ZYX: variants seen among roughly 807,000 people sequenced by gnomAD.
The protein encoded by ZYX is zyxin-2.
Under a neutral mutation model 58.1 loss-of-function variants are expected in ZYX, and 37 were observed. The observed-to-expected ratio is 0.64, with a 90% CI of 0.49 to 0.84. The LOEUF is 0.84. ZYX is among the 40% of genes least tolerant of loss of function. The pLI, the probability that ZYX is intolerant of heterozygous loss-of-function variation, is 0.00. For synonymous variants in ZYX, 324 were observed against 321.1 expected (o/e 1.01, Z -0.10); for missense variants, 762 against 761.6 (o/e 1.00, Z -0.01).
rs41277425 is a variant in ZYX at position 143,388,875 on chromosome 7, C to T, written c.1423C>T (p.Arg475Cys). Residue 475 changes from arginine (R) to cysteine (C), a missense_variant, in exon 8 of 10, where the codon CGC becomes TGC. By Grantham distance (180) the Arg-to-Cys change is radical (BLOSUM62 -3). Coordinates refer to ENST00000322764, the MANE Select transcript of ZYX (RefSeq NM_003461.5). The surrounding 1 kb of genome is among the most constrained non-coding windows in gnomAD (Gnocchi z 7.5). ...PHCFTCVVCA[R>C]PLEGTSFIVD... ...CTGCTTCACCTGTGTGGTCTGCGCCCGCCCCCTGGAGGGCACCTCCTTCAT... is the reference window on the plus strand; with the variant it reads ...CTGCTTCACCTGTGTGGTCTGCGCCTGCCCCCTGGAGGGCACCTCCTTCAT... 0.011 allele frequency: 18,172 copies of T among 1,613,852 alleles called. 144 individuals are homozygous for T. Among genetic ancestry groups the T allele is most frequent in the Non-Finnish European group, 0.012 (14,039 of 1,179,972 alleles).
chr7:143,384,395 A>G lies in ZYX; in HGVS notation c.1023+1073A>G, dbSNP rs1406668634. 1.0e-5 allele frequency: 4 copies of G among 396,116 alleles called. No homozygotes were observed. The highest frequency in any genetic ancestry group is 1.4e-4 in the East Asian group (2 of 13,810). 24.5% of individuals were successfully genotyped at this position (396,116 alleles called of 1,614,324 possible). A position where few individuals can be genotyped will look rare whatever the true frequency, so the allele number is the denominator to read the frequency against. ...GTTCCTGTAGGAAAATGATAGAGCT[A>G]TACTTGGAGAGGCAAGCGGGGCTGG... On this transcript the variant is annotated intron_variant, in intron 5 of 9. Coordinates refer to ENST00000322764, the MANE Select transcript of ZYX (RefSeq NM_003461.5). The surrounding 1 kb of genome is among the most constrained non-coding windows in gnomAD (Gnocchi z 4.9).
rs370496656 is a variant in ZYX at position 143,385,361 on chromosome 7, CGTGT to C, written c.1023+2050_1023+2053del. On this transcript the variant is annotated intron_variant, in intron 5 of 9. Transcript: ENST00000322764. ...TACACATATGTGAATATATGAGTGG[CGTGT>C]GTGTGTGTGTTAGTGTGTGGGTGTG... 6.7e-5 allele frequency among the ~76,000 whole-genome samples: 10 copies of C among 149,414 alleles called. No homozygotes were observed. In the East Asian group the frequency reaches 1.6e-3, roughly 24 times the overall value.
chr7:143,381,886 C>T, intron 2 of ZYX, 107 bp downstream of exon 2: 1 of 1,115,170 alleles, frequency 9.0e-7, no homozygotes, highest in South Asian at 1.6e-5. Flanking sequence ...GGGGGCTGGG[C>T]GCAGCCACCC....
intron 2 of ZYX, 148 bp downstream of exon 2, chr7:143,381,927 G>A: frequency 1.2e-6 from 1 of 841,598 alleles, no homozygotes; most frequent in Non-Finnish European, 1.8e-6. Context: ...ACCTCATCGT[G>A]GAGCTCGTGG....
rs1354942994 is a variant in ZYX at position 143,382,860 on chromosome 7, C to T, written c.561C>T (p.Thr187=). The change falls in exon 5 of 10, where the codon ACC becomes ACT. Residue 187 remains threonine (T), a synonymous_variant. Transcript: ENST00000322764. ...VATPFSSKSS[T]KPAAGGTAPL... is the part of the protein sequence containing the mutation. ...CTCCATTCAGTTCCAAGTCCAGTAC[C>T]AAGCCTGCAGCCGGGGGCACAGCAC... The T allele has an allele frequency of 5.0e-6, 8 of 1,611,680 alleles. No individual in the cohort carries two copies. In the South Asian group the frequency reaches 7.7e-5, roughly 16 times the overall value.
Position 143,388,961 on chromosome 7 carries a change from C to T in ZYX, c.1493+16C>T, listed in dbSNP as rs778307779. The T allele has an allele frequency of 6.3e-7, 1 of 1,598,784 alleles. No individual in the cohort carries two copies. Among genetic ancestry groups the T allele is most frequent in the Non-Finnish European group, 8.5e-7 (1 of 1,171,722 alleles). ...ACTACCACAAGTGAGGACCTGCCAC[C>T]TGCCTTCTGGGTTCCCGGCGTGCTT... On this transcript the variant is annotated intron_variant, in intron 8 of 9. Coordinates refer to ENST00000322764, the MANE Select transcript of ZYX (RefSeq NM_003461.5). The surrounding 1 kb of genome is among the most constrained non-coding windows in gnomAD (Gnocchi z 7.5).
In ZYX at chr7:143,387,973, T is replaced by G; in HGVS notation, c.1024-246T>G. ...GCCTGTCTGTGACTGCTCAGGGGGT[T>G]TGGGCAGAGTGGGTGGAAATGTCTT... On this transcript the variant is annotated intron_variant, in intron 5 of 9. Transcript: ENST00000322764. The surrounding 1 kb of genome is among the most constrained non-coding windows in gnomAD (Gnocchi z 5.8). 1 of 568,510 alleles carries G rather than the reference T, an allele frequency of 1.8e-6. No homozygotes were observed. The highest frequency in any genetic ancestry group is 3.3e-6 in the Non-Finnish European group (1 of 303,850). The allele number at this position is 568,510 out of a possible 1,614,324, so 35.2% of individuals were successfully genotyped here. A position where few individuals can be genotyped will look rare whatever the true frequency, so the allele number is the denominator to read the frequency against.
At chr7:143,385,217 G>T (rs996174372) in intron 5 of ZYX, among the ~76,000 whole-genome samples, 1 of 152,158 alleles carries the variant, frequency 6.6e-6, no homozygotes, top group African/African-American at 2.4e-5. Context: ...CCTGTGGTGG[G>T]AACACAATGT....
At chr7:143,386,614 G>A (rs1471896954) in intron 5 of ZYX, among the ~76,000 whole-genome samples, 2 of 152,104 alleles carry the variant, frequency 1.3e-5, no homozygotes, top group Non-Finnish European at 2.9e-5. Context: ...GGATAGCTGC[G>A]GGTGGCTGCA....
Position 143,388,542 on chromosome 7 carries a change from G to C in ZYX, c.1198G>C (p.Ala400Pro). Residue 400 changes from alanine to proline, a missense_variant, in exon 7 of 10, where the codon GCT (alanine) becomes CCT (proline). Ala to Pro is a conservative substitution (Grantham distance 27, BLOSUM62 -1). Coordinates refer to ENST00000322764, the MANE Select transcript of ZYX (RefSeq NM_003461.5). This position sits in a 1 kb window ranked among gnomAD's most constrained non-coding sequence, Gnocchi z 7.5. ...PLARAQPAVRALGQLFHIACF... is the reference protein window; with the variant it reads ...PLARAQPAVRPLGQLFHIACF... ...GGCCCGGGCGCAGCCAGCCGTCCGC[G>C]CTCTAGGGCAGCTGTTCCACATCGC... 6.2e-7 allele frequency: 1 copy of C among 1,610,966 alleles called. No homozygotes were observed. Among genetic ancestry groups the C allele is most frequent in the Non-Finnish European group, 8.5e-7 (1 of 1,179,948 alleles).
chr7:143,384,527 G>A lies in ZYX; in HGVS notation c.1023+1205G>A, dbSNP rs76491646. Among the ~76,000 whole-genome samples, 1 of 152,096 alleles carries A rather than the reference G, an allele frequency of 6.6e-6. No individual in the cohort carries two copies. The highest frequency in any genetic ancestry group is 2.4e-5 in the African/African-American group (1 of 41,394). ...TGGGTCAGGAGGGCTGGTGAAAGCA[G>A]TGTTTTTGGAAGCTTTCTGGAAAGT... On this transcript the variant is annotated intron_variant, in intron 5 of 9. Coordinates refer to ENST00000322764, the MANE Select transcript of ZYX (RefSeq NM_003461.5). The surrounding 1 kb of genome is among the most constrained non-coding windows in gnomAD (Gnocchi z 4.9).
In ZYX at chr7:143,381,773, C is replaced by A. The variant is rs1284187523; in HGVS notation, c.202C>A (p.Pro68Thr). ...GGTGGGCGAGATTCCCCCGCCGCCC[C>A]CGGAAGGTATGCGGCGGGGCTTGGG... The part of the protein sequence containing the change: ...GRVGEIPPPP[P>T]EDFPLPPPPL... The change falls in exon 2 of 10, where the codon CCG (proline) becomes ACG (threonine). Residue 68 changes from proline to threonine, a missense_variant. Physicochemically the swap from Pro to Thr is conservative, Grantham distance 38. Transcript: ENST00000322764. The A allele has an allele frequency of 6.4e-7, 1 of 1,573,904 alleles. No homozygotes were observed. The highest frequency in any genetic ancestry group is 2.4e-5 in the East Asian group (1 of 41,848).
At position 143,384,354 on chromosome 7, in the gene ZYX, G is replaced by A. The variant is rs1277742309; in HGVS notation, c.1023+1032G>A. The A allele has an allele frequency of 4.5e-6, 2 of 442,056 alleles. No individual in the cohort carries two copies. Among genetic ancestry groups the A allele is most frequent in the Non-Finnish European group, 9.4e-6 (2 of 212,644 alleles). The allele number at this position is 442,056 out of a possible 1,614,324, so 27.4% of individuals were successfully genotyped here. A position where few individuals can be genotyped will look rare whatever the true frequency, so the allele number is the denominator to read the frequency against. On this transcript the variant is annotated intron_variant, in intron 5 of 9. Transcript: ENST00000322764. This position sits in a 1 kb window ranked among gnomAD's most constrained non-coding sequence, Gnocchi z 4.9. ...TCCAGAGAGGAGAGGGATGTTTGGA[G>A]AACAGAAAGTGGAAGGTTCCTGTAG...
At position 143,382,311 on chromosome 7, in the gene ZYX, G is replaced by A. The variant is rs1319200210; in HGVS notation, c.272G>A (p.Gly91Asp). Residue 91 changes from glycine to aspartate, a missense_variant, in exon 3 of 10, where the codon GGT becomes GAT. Gly to Asp is a moderately conservative substitution (Grantham distance 94). Transcript: ENST00000322764. ...DGDDAEGALG[G>D]AFPPPPPPIE... ...GACGATGCAGAGGGTGCTCTGGGAG[G>A]TGCCTTCCCGCCGCCCCCTCCCCCG... 8.7e-6 allele frequency: 14 copies of A among 1,610,668 alleles called. No individual in the cohort carries two copies. Among genetic ancestry groups the A allele is most frequent in the African/African-American group, 1.3e-5 (1 of 74,764 alleles).
chr7:143,387,844 A>G lies in ZYX; in HGVS notation c.1024-375A>G. 1 of 483,164 alleles carries G rather than the reference A, an allele frequency of 2.1e-6. No homozygotes were observed. Among genetic ancestry groups the G allele is most frequent in the South Asian group, 1.5e-5 (1 of 64,648 alleles). 29.9% of individuals were successfully genotyped at this position (483,164 alleles called of 1,614,324 possible). A position where few individuals can be genotyped will look rare whatever the true frequency, so the allele number is the denominator to read the frequency against. ...TGCGTGCCCCTGTCCCATGGGGGCG[A>G]TGTCCGAGCATGCTCTGTGGAGTTG... On this transcript the variant is annotated intron_variant, in intron 5 of 9. Transcript: ENST00000322764. This position sits in a 1 kb window ranked among gnomAD's most constrained non-coding sequence, Gnocchi z 5.8.
chr7:143,383,460 A>T (rs2116567148), intron 5 of ZYX, 138 bp downstream of exon 5: 1 of 1,154,490 alleles, frequency 8.7e-7, no homozygotes, highest in East Asian at 2.6e-5. Flanking sequence ...AGGAATTTTC[A>T]TCCTCTGGGG....
Position 143,381,521 on chromosome 7 carries a change from C to T in ZYX, c.-15-36C>T, listed in dbSNP as rs538335961. The T allele has an allele frequency of 5.3e-5, 84 of 1,572,066 alleles. No homozygotes were observed. The South Asian group carries it at 8.4e-4, about 16-fold the overall frequency. ...TGGGACCGCCTGGGGCTCCTGAGCC[C>T]GGCTCCGCGCTGCGTAACCCGGCGA... is the stretch of plus-strand genomic sequence containing the variant. On this transcript the variant is annotated intron_variant, in intron 1 of 9. Transcript: ENST00000322764.
At chr7:143,381,441 C>T (rs1051520544) in intron 1 of ZYX, 32 bp downstream of exon 1, 12 of 1,283,818 alleles carry the variant, frequency 9.3e-6, no homozygotes, top group Non-Finnish European at 1.2e-5. Context: ...GGCGGCCCCA[C>T]GGGGAGGGGG....
chr7:143,384,185 A>G lies in ZYX; in HGVS notation c.1023+863A>G, dbSNP rs1053867197. On this transcript the variant is annotated intron_variant, in intron 5 of 9. Coordinates refer to ENST00000322764, the MANE Select transcript of ZYX (RefSeq NM_003461.5). This position sits in a 1 kb window ranked among gnomAD's most constrained non-coding sequence, Gnocchi z 4.9. ...GAGTCCACTGATAGTGTTGATGTCT[A>G]CCTACACTCGGACACAGCATAGGAA... The G allele has an allele frequency of 5.3e-5, 25 of 471,680 alleles. No individual in the cohort carries two copies. The East Asian group carries it at 7.0e-4, about 13-fold the overall frequency. The allele number at this position is 471,680 out of a possible 1,614,324, so 29.2% of individuals were successfully genotyped here.
Sources: allele counts gnomAD v4.1 joint callset (sites outside exome capture counted in the v4.1 genomes callset), GRCh38; gene constraint gnomAD v4.1.1; non-coding constraint Gnocchi (gnomAD v3.1); transcripts MANE v1.5; gene names NCBI Gene and HGNC (gene_info 2026-07-23, HGNC 2026-07-21).